The following WIPI1 variants were observed in gnomAD, a reference collection of about 807,000 sequenced individuals.
WIPI1 encodes WD repeat domain phosphoinositide-interacting protein 1.
A neutral mutation model predicts 55.3 loss-of-function variants in WIPI1; 45 were observed. That is an observed-to-expected ratio of 0.81 (90% CI 0.64 to 1.04). WIPI1 has a LOEUF of 1.04. WIPI1 is among the 50% of genes least tolerant of loss of function. The pLI is 0.00. For missense variants in WIPI1, 445 were observed against 559.0 expected (o/e 0.80, Z 2.06); for synonymous variants, 195 against 217.6 (o/e 0.90, Z 0.92).
At chr17:68,427,491 C>T (rs2083276395) in intron 10 of WIPI1, 8 of 308,324 alleles carry the variant, frequency 2.6e-5, no homozygotes, top group South Asian at 1.6e-4. Flanking sequence ...CGAGTAGCTG[C>T]GACTACAGGC....
intron 11 of WIPI1, 30 bp downstream of exon 11, chr17:68,427,105 T>G (rs1297451883): frequency 2.2e-5 from 35 of 1,568,104 alleles, no homozygotes; most frequent in Non-Finnish European, 2.7e-5. Flanking sequence ...CTGTTGGAGA[T>G]GCTCCCCTGT....
chr17:68,438,889 C>T (rs368739098), intron 4 of WIPI1, among the ~76,000 whole-genome samples: 1 of 152,208 alleles, frequency 6.6e-6, no homozygotes, highest in African/African-American at 2.4e-5. Context: ...CGTGAGCCAT[C>T]GTGCCTGGCC....
At chr17:68,455,426 T>C (rs1489118662) in intron 1 of WIPI1, among the ~76,000 whole-genome samples, 2 of 151,064 alleles carry the variant, frequency 1.3e-5, no homozygotes, top group Admixed American at 1.3e-4. Context: ...AGTATGAGCG[T>C]AGGGGACTGG....
chr17:68,442,228 C>T (rs976472733), intron 4 of WIPI1, among the ~76,000 whole-genome samples: 2 of 152,090 alleles, frequency 1.3e-5, no homozygotes, highest in Non-Finnish European at 2.9e-5. Flanking sequence ...CTTTGGGAGG[C>T]CAAGGCGGGC....
rs775202484 is a variant in WIPI1, at chr17:68,450,884, G to A, written c.177C>T (p.Asp59=). The change falls in exon 3 of 13, where the codon GAC becomes GAT. Residue 59 remains aspartate (D), a synonymous_variant. Transcript: ENST00000262139. Reference sequence around the variant, plus strand: ...AGAAGAGGCGCTCCACGATGTAGACGTCCGGGATTTCATCTGGGAGGAAAA... The same window carrying A: ...AGAAGAGGCGCTCCACGATGTAGACATCCGGGATTTCATCTGGGAGGAAAA... The part of the protein sequence containing the change: ...DQVHGSNEIP[D]VYIVERLFSS... The A allele has an allele frequency of 2.0e-5, 33 of 1,612,078 alleles. No individual in the cohort carries two copies. Among genetic ancestry groups the A allele is most frequent in the Admixed American group, 3.4e-5 (2 of 59,452 alleles).
chr17:68,440,819 C>A (rs2084042463), intron 4 of WIPI1: 1 of 152,150 alleles, frequency 6.6e-6, no homozygotes. Flanking sequence ...GCATGTCAAA[C>A]TTTAGGTAAG....
At chr17:68,425,021 G>A (rs1022992743) in intron 12 of WIPI1, among the ~76,000 whole-genome samples, 1 of 152,246 alleles carries the variant, frequency 6.6e-6, no homozygotes, top group African/African-American at 2.4e-5. Flanking sequence ...GGAAGCCCCA[G>A]CAGGCTCTCA....
chr17:68,445,622 C>T (rs1374242431), intron 3 of WIPI1, among the ~76,000 whole-genome samples: 2 of 152,232 alleles, frequency 1.3e-5, no homozygotes, highest in Non-Finnish European at 2.9e-5. Context: ...CACATGAAAG[C>T]TTGTCAGGTT....
chr17:68,427,339 C>G lies in WIPI1; in HGVS notation c.1074-86G>C, dbSNP rs144431580. ...CTTCCAAAGGAAAAGCATGAAGAAG[C>G]CTGTGCTCAGCTCTGTGGGTTATTT... On this transcript the variant is annotated intron_variant, in intron 10 of 12. Coordinates refer to ENST00000262139, the MANE Select transcript of WIPI1 (RefSeq NM_017983.7). 95 of 1,020,464 alleles carry G rather than the reference C, an allele frequency of 9.3e-5. No individual in the cohort carries two copies. The African/African-American group carries it at 1.2e-3, about 13-fold the overall frequency. 63.2% of individuals were successfully genotyped at this position (1,020,464 alleles called of 1,614,324 possible).
chr17:68,427,208 G>GAGGTC lies in WIPI1; in HGVS notation c.1114_1118dup (p.Arg374ThrfsTer14). The stretch of plus-strand genomic sequence containing the variant: ...CATAAGACTGAGGTAAGGAAGGTCT[G>GAGGTC]AGGTCATTTTCTTTATTCTCTTCTG... On this transcript the variant is annotated frameshift_variant, in exon 11 of 13. Transcript: ENST00000262139. LOFTEE classifies it high-confidence loss of function. 6.2e-7 allele frequency: 1 copy of GAGGTC among 1,614,212 alleles called. No individual in the cohort carries two copies. Among genetic ancestry groups the GAGGTC allele is most frequent in the Non-Finnish European group, 8.5e-7 (1 of 1,180,032 alleles).
intron 4 of WIPI1, among the ~76,000 whole-genome samples, chr17:68,444,225 G>A (rs1208666749): frequency 2.6e-5 from 4 of 152,110 alleles, no homozygotes; most frequent in Non-Finnish European, 5.9e-5. Flanking sequence ...TCTACCTTAC[G>A]TGCCTTGACA....
chr17:68,449,649 G>A (rs922549942), intron 3 of WIPI1, among the ~76,000 whole-genome samples: 2 of 152,168 alleles, frequency 1.3e-5, no homozygotes, highest in African/African-American at 2.4e-5. Context: ...CTCCTGCCAC[G>A]TAAGACGCCT....
chr17:68,427,443 G>T (rs762768710), intron 10 of WIPI1, 190 bp from the exon 11 acceptor site: 2 of 413,652 alleles, frequency 4.8e-6, no homozygotes, highest in Non-Finnish European at 8.8e-6. Flanking sequence ...TGCAACCTCC[G>T]CCTCCTGGGT....
At chr17:68,453,090 A>G (rs911786177) in intron 1 of WIPI1, 98 bp from the exon 2 acceptor site, 2 of 912,008 alleles carry the variant, frequency 2.2e-6, no homozygotes, top group African/African-American at 3.3e-5. Flanking sequence ...TCAGGGGTAC[A>G]GTAAACAAGC....
intron 11 of WIPI1, 77 bp from the exon 12 acceptor site, chr17:68,426,252 G>GGGGGGGGA: frequency 1.2e-6 from 1 of 828,188 alleles, no homozygotes; most frequent in South Asian, 1.3e-5. Context: ...TGGGGAGCGG[G>GGGGGGGGA]GGCTCAAATA....
intron 3 of WIPI1, among the ~76,000 whole-genome samples, chr17:68,445,510 C>CT (rs11457782): frequency 0.12 from 18,205 of 152,234 alleles, 1,185 homozygotes; most frequent in South Asian, 0.21. Flanking sequence ...GGCTTCGGCC[C>CT]CATTTGAACA....
chr17:68,421,752 A>C lies in WIPI1; in HGVS notation c.*21T>G. 6.2e-7 allele frequency: 1 copy of C among 1,614,014 alleles called. No individual in the cohort carries two copies. The highest frequency in any genetic ancestry group is 1.1e-5 in the South Asian group (1 of 91,074). On this transcript the variant is annotated 3_prime_UTR_variant, in exon 13 of 13. Coordinates refer to ENST00000262139, the MANE Select transcript of WIPI1 (RefSeq NM_017983.7). ...ACCACCTGATAGGGGGGATGTCCTGATTTCTGAGGTGTGCTTCTCATCATG... is the reference window on the plus strand; with the variant it reads ...ACCACCTGATAGGGGGGATGTCCTGCTTTCTGAGGTGTGCTTCTCATCATG...
Position 68,435,756 on chromosome 17 carries a change from G to A in WIPI1, c.529-44C>T, listed in dbSNP as rs1238436532. ...AATGGATACAGATGCTGCGGAGGAG[G>A]GAAGATGGATTTCACCTCCCTCCCC... On this transcript the variant is annotated intron_variant, in intron 5 of 12. Transcript: ENST00000262139. 3 of 1,576,268 alleles carry A rather than the reference G, an allele frequency of 1.9e-6. No homozygotes were observed. In the South Asian group the frequency reaches 3.3e-5, roughly 17 times the overall value.
At chr17:68,426,250 G>GGGGGGC in intron 11 of WIPI1, 75 bp from the exon 12 acceptor site, 1 of 828,058 alleles carries the variant, frequency 1.2e-6, no homozygotes, top group Non-Finnish European at 1.9e-6. Context: ...GGTGGGGAGC[G>GGGGGGC]GGGGCTCAAA....
Sources: allele counts gnomAD v4.1 joint callset (sites outside exome capture counted in the v4.1 genomes callset), GRCh38; gene constraint gnomAD v4.1.1; transcripts MANE v1.5; gene names NCBI Gene and HGNC (gene_info 2026-07-23, HGNC 2026-07-21).